Variants in MYH14 observed in about 807,000 individuals in gnomAD.
MYH14 encodes the protein myosin heavy chain 14.
A neutral mutation model predicts 255.5 loss-of-function variants in MYH14; 123 were observed. The ratio of observed to expected loss-of-function variants is 0.48; its 90% confidence interval spans 0.42 to 0.56. The LOEUF (loss-of-function observed/expected upper bound fraction) is 0.56. Among genes scored for constraint, MYH14 ranks in the 20% least tolerant of loss-of-function variants. MYH14 has a pLI of 0.00. For synonymous variants in MYH14, 1,095 were observed against 1,161.2 expected, an observed-to-expected ratio of 0.94 and a Z score of 1.16; for missense variants, 2,423 against 2,802.3, an observed-to-expected ratio of 0.86 and a Z score of 3.06.
intron 8 of MYH14, among the ~76,000 whole-genome samples, chr19:50,229,913 G>A (rs2033290528): frequency 6.6e-6 from 1 of 152,036 alleles, no homozygotes; most frequent in East Asian, 1.9e-4. Context: ...GGGTCGATGA[G>A]GTTTCTTTGT....
At chr19:50,271,593 G>C in intron 25 of MYH14, 47 bp downstream of exon 25, 1 of 1,581,158 alleles carries the variant, frequency 6.3e-7, no homozygotes, top group East Asian at 2.3e-5. Context: ...GGGTGCATTG[G>C]TGGGTTAATG....
intron 8 of MYH14, among the ~76,000 whole-genome samples, chr19:50,227,458 C>T (rs532988372): frequency 2.6e-5 from 4 of 152,192 alleles, no homozygotes; most frequent in South Asian, 4.2e-4. Flanking sequence ...CTGCACCCCC[C>T]GTCCCCCGCC....
At chr19:50,271,722 G>GA (rs1025923845) in intron 25 of MYH14, 127 bp from the exon 26 acceptor site, 39 of 1,477,150 alleles carry the variant, frequency 2.6e-5, no homozygotes, top group Non-Finnish European at 3.5e-5. Flanking sequence ...GTAGGGGGAG[G>GA]AAGGTCAGAG....
chr19:50,223,027 A>C, intron 3 of MYH14, 56 bp from the exon 4 acceptor site: 1 of 1,526,644 alleles, frequency 6.6e-7, no homozygotes, highest in Non-Finnish European at 9.1e-7. Context: ...AAGGGACCAG[A>C]GGGCCCTGCT....
chr19:50,249,031 C>T lies in MYH14; in HGVS notation c.1374C>T (p.Arg458=), dbSNP rs2034248526. 3 of 1,613,562 alleles carry T rather than the reference C, an allele frequency of 1.9e-6. No homozygotes were observed. Among genetic ancestry groups the T allele is most frequent in the African/African-American group, 2.7e-5 (2 of 75,068 alleles). The change falls in exon 13 of 43, where the codon CGC becomes CGT. Residue 458 remains arginine (R), a synonymous_variant. Coordinates refer to ENST00000642316, the MANE Select transcript of MYH14 (RefSeq NM_001145809.2). ...CCCTGGCCAAGGCCACCTACGAGCG[C>T]CTCTTCCGCTGGCTGGTTCTGCGCC... ...LEALAKATYE[R]LFRWLVLRLN...
Position 50,293,523 on chromosome 19 carries a change from C to T in MYH14, c.5346-41C>T. 6.2e-7 allele frequency: 1 copy of T among 1,609,028 alleles called. No individual in the cohort carries two copies. Among genetic ancestry groups the T allele is most frequent in the Non-Finnish European group, 8.5e-7 (1 of 1,178,166 alleles). ...TGTGAGGCAAGGCACCCTCCTCTGA[C>T]CATCCTGTCCTTTCATCCCCACGCC... On this transcript the variant is annotated intron_variant, in intron 38 of 42. Transcript: ENST00000642316. This position sits in a 1 kb window ranked among gnomAD's most constrained non-coding sequence, Gnocchi z 4.1.
chr19:50,251,488 CATATATATATACACACAT>C (rs1324070104), intron 15 of MYH14, among the ~76,000 whole-genome samples: 5 of 143,010 alleles, frequency 3.5e-5, no homozygotes, highest in Admixed American at 1.5e-4. Flanking sequence ...TATATACACA[CATATATATATACACACAT>C]ATATATATAC....
intron 2 of MYH14, among the ~76,000 whole-genome samples, chr19:50,211,804 C>G (rs1222529831): frequency 6.0e-5 from 9 of 150,952 alleles, no homozygotes; most frequent in Admixed American, 6.0e-4. Flanking sequence ...CATGGCAAAA[C>G]CCCATCCCTG....
chr19:50,214,326 GT>G (rs1282101812), intron 2 of MYH14, among the ~76,000 whole-genome samples: 3 of 152,186 alleles, frequency 2.0e-5, no homozygotes, highest in African/African-American at 7.2e-5. Context: ...CTTAATACAT[GT>G]TTGTTGACTG....
In MYH14 at chr19:50,293,779, G is replaced by A; in HGVS notation, c.5469+92G>A. On this transcript the variant is annotated intron_variant, in intron 39 of 42. Transcript: ENST00000642316. The surrounding 1 kb of genome is among the most constrained non-coding windows in gnomAD (Gnocchi z 4.1). ...TCTTATTCAACAAATATAGAAAGGG[G>A]ATATTTGAGTTGGGTTTTGAAGGTT... 1 of 1,380,382 alleles carries A rather than the reference G, an allele frequency of 7.2e-7. No homozygotes were observed. The allele number at this position is 1,380,382 out of a possible 1,614,324, so 85.5% of individuals were successfully genotyped here. A position where few individuals can be genotyped will look rare whatever the true frequency, so the allele number is the denominator to read the frequency against.
At chr19:50,204,768 C>T (rs960291236) in intron 1 of MYH14, among the ~76,000 whole-genome samples, 2 of 152,066 alleles carry the variant, frequency 1.3e-5, no homozygotes, top group African/African-American at 2.4e-5. Flanking sequence ...GGTGGCGTGA[C>T]CCTGCTGTCC....
Position 50,292,288 on chromosome 19 carries a change from G to A in MYH14, c.5155G>A (p.Val1719Met). ...QAQMKELWRE[V>M]EETRTSREEI... ...CCAGATGAAGGAGCTATGGCGGGAG[G>A]TGGAGGAGACACGCACCTCCCGGGA... The change falls in exon 37 of 43, where the codon GTG (valine) becomes ATG (methionine). Residue 1719 changes from valine to methionine, a missense_variant. Val to Met is a conservative substitution (Grantham distance 21). Around this residue, in one of 3 missense-constraint regions of MYH14, gnomAD observed 1,513 missense variants for 1,674.8 expected, o/e 0.90. Transcript: ENST00000642316. 1.2e-6 allele frequency: 2 copies of A among 1,603,274 alleles called. No homozygotes were observed. The highest frequency in any genetic ancestry group is 4.5e-5 in the East Asian group (2 of 44,402).
At chr19:50,244,219 G>A (rs942005405) in intron 10 of MYH14, 23 bp from the exon 11 acceptor site, 1 of 1,609,912 alleles carries the variant, frequency 6.2e-7, no homozygotes, top group Non-Finnish European at 8.5e-7. Flanking sequence ...AGCCACACGT[G>A]ACCTCTGTCC....
chr19:50,297,502 T>C (rs766598539), intron 39 of MYH14, among the ~76,000 whole-genome samples: 2,237 of 134,660 alleles, frequency 0.017, 68 homozygotes, highest in Admixed American at 0.024. Flanking sequence ...TTTTTTTTTT[T>C]TTTTTTTTTT....
At position 50,292,007 on chromosome 19, in the gene MYH14, G is replaced by A. The variant is rs73058376; in HGVS notation, c.5128-254G>A. Among the ~76,000 whole-genome samples, 13,722 of 152,240 alleles carry A rather than the reference G, an allele frequency of 0.09. 830 individuals are homozygous for A. Among genetic ancestry groups the A allele is most frequent in the African/African-American group, 0.16 (6,727 of 41,520 alleles). On this transcript the variant is annotated intron_variant, in intron 36 of 42. Coordinates refer to ENST00000642316, the MANE Select transcript of MYH14 (RefSeq NM_001145809.2). The stretch of plus-strand genomic sequence containing the variant: ...CCATGTCTATCTAACTTGAAGCCAG[G>A]CTCCATCAGGCTTCCAGCTGCCTTC...
At chr19:50,262,959 GGAGGCCGAGGT>G (rs577290204) in intron 21 of MYH14, among the ~76,000 whole-genome samples, 1,584 of 152,212 alleles carry the variant, frequency 0.01, 14 homozygotes, top group Non-Finnish European at 0.015. Context: ...CAGCACTTTG[GGAGGCCGAGGT>G]GAGTAGATCA....
At chr19:50,298,577 CCT>C (rs1162824329) in intron 39 of MYH14, among the ~76,000 whole-genome samples, 3 of 151,666 alleles carry the variant, frequency 2.0e-5, no homozygotes, top group South Asian at 2.1e-4. Context: ...ATGGTGAACC[CCT>C]GTCTCTACTA....
Position 50,309,984 on chromosome 19 carries a change from A to G in MYH14, c.*194A>G. 1.5e-6 allele frequency: 1 copy of G among 682,298 alleles called. No individual in the cohort carries two copies. The highest frequency in any genetic ancestry group is 1.7e-5 in the South Asian group (1 of 59,032). The allele number at this position is 682,298 out of a possible 1,614,324, so 42.3% of individuals were successfully genotyped here. A position where few individuals can be genotyped will look rare whatever the true frequency, so the allele number is the denominator to read the frequency against. ...AAAGGATGACCCCTAAACACAGAGG[A>G]GCGGGGCAGGCAGGGAGGCAATGAC... On this transcript the variant is annotated 3_prime_UTR_variant, in exon 43 of 43. Transcript: ENST00000642316.
At chr19:50,301,551 T>C in intron 39 of MYH14, 110 bp from the exon 40 acceptor site, 1 of 726,318 alleles carries the variant, frequency 1.4e-6, no homozygotes, top group Non-Finnish European at 2.4e-6. Flanking sequence ...GGCTCTGTGC[T>C]ATGCGTGTGA....
Sources: gnomAD v4.1 joint callset for allele counts (sites outside exome capture counted in the v4.1 genomes callset) on GRCh38, gnomAD v4.1.1 for gene constraint, gnomAD v4.1.1 regional missense constraint, Gnocchi (gnomAD v3.1) non-coding constraint, MANE v1.5 for transcripts, NCBI Gene and HGNC (gene_info 2026-07-23, HGNC 2026-07-21) for gene names.